Variants in URB2 observed in about 807,000 individuals in gnomAD.
The protein encoded by URB2 is unhealthy ribosome biogenesis protein 2 homolog.
URB2 carries 86 observed loss-of-function variants against 120.9 expected under a neutral mutation model. That is an observed-to-expected ratio of 0.71 (90% confidence interval 0.60 to 0.85). The LOEUF (loss-of-function observed/expected upper bound fraction) is 0.85, where lower values mean the gene tolerates loss of function less well. Ranked by LOEUF, URB2 falls within the 40% of genes least tolerant of loss-of-function variation. The pLI is 0.00. For synonymous variants in URB2, 755 were observed against 758.4 expected (o/e 1.00, Z 0.07); for missense variants, 1,765 against 1,836.5 (o/e 0.96, Z 0.71).
intron 2 of URB2, 66 bp downstream of exon 2, chr1:229,627,825 A>AT: frequency 2.7e-6 from 4 of 1,490,122 alleles, no homozygotes; most frequent in Non-Finnish European, 3.6e-6. Flanking sequence ...TATAATTTGG[A>AT]TATTGACAAT....
At chr1:229,630,296 CA>C (rs1205438624) in intron 2 of URB2, among the ~76,000 whole-genome samples, 3 of 152,180 alleles carry the variant, frequency 2.0e-5, no homozygotes, top group African/African-American at 7.2e-5. Flanking sequence ...ACTTGAAAGT[CA>C]AAAGTACTCC....
intron 2 of URB2, 144 bp downstream of exon 2, chr1:229,627,903 A>G (rs1026534074): frequency 1.5e-5 from 16 of 1,082,758 alleles, no homozygotes; most frequent in East Asian, 5.7e-5. Flanking sequence ...TGTAATGTCA[A>G]TGAAAAAAGT....
chr1:229,638,530 C>T (rs1321379300), intron 4 of URB2, among the ~76,000 whole-genome samples: 2 of 151,954 alleles, frequency 1.3e-5, no homozygotes, highest in African/African-American at 2.4e-5. Flanking sequence ...CCTGTAGTCC[C>T]AGCTACTCGG....
chr1:229,654,371 GT>G lies in URB2; in HGVS notation c.4361del (p.Val1454GlyfsTer7). 1 of 1,614,188 alleles carries G rather than the reference GT, an allele frequency of 6.2e-7. No individual in the cohort carries two copies. Among genetic ancestry groups the G allele is most frequent in the Non-Finnish European group, 8.5e-7 (1 of 1,180,028 alleles). Reference protein sequence around the residue: ...VFSPFMVAQYVLEVQKVTLYP... With the variant: ...VFSPFMVAQYXLEVQKVTLYP... Reference sequence around the variant, plus strand: ...TTCCCCATTTATGGTGGCCCAGTACGTGTTGGAGGTACAGAAGGTAAAATTG... The same window carrying G: ...TTCCCCATTTATGGTGGCCCAGTACGGTTGGAGGTACAGAAGGTAAAATTG... On this transcript the variant is annotated frameshift_variant, in exon 9 of 10. Coordinates refer to ENST00000258243, the MANE Select transcript of URB2 (RefSeq NM_014777.4). LOFTEE classifies it high-confidence loss of function.
chr1:229,627,655 A>G lies in URB2; in HGVS notation c.22A>G (p.Ile8Val), dbSNP rs374458592. The change falls in exon 2 of 10, where the codon ATT becomes GTT. Residue 8 changes from isoleucine (I) to valine (V), a missense_variant. By Grantham distance (29) the Ile-to-Val change is conservative. Coordinates refer to ENST00000258243, the MANE Select transcript of URB2 (RefSeq NM_014777.4). MAAVYSG[I>V]SLKLKSKTTS... is the part of the protein sequence containing the mutation. The stretch of plus-strand genomic sequence containing the variant: ...AGCCATGGCTGCTGTTTATTCTGGC[A>G]TTTCCCTTAAGCTTAAAAGCAAGAC... 1 of 1,612,996 alleles carries G rather than the reference A, an allele frequency of 6.2e-7. No individual in the cohort carries two copies. Among genetic ancestry groups the G allele is most frequent in the South Asian group, 1.1e-5 (1 of 90,724 alleles).
Position 229,659,897 on chromosome 1 carries a change from C to T in URB2, c.*600C>T. The T allele has an allele frequency of 6.6e-6, 1 of 152,138 alleles. No homozygotes were observed. The highest frequency in any genetic ancestry group is 1.5e-5 in the Non-Finnish European group (1 of 68,028). 9.4% of individuals were successfully genotyped at this position (152,138 alleles called of 1,614,324 possible). A position where few individuals can be genotyped will look rare whatever the true frequency, so the allele number is the denominator to read the frequency against. ...TTAGCACAGGTGCCAGGGCTCCTGC[C>T]TGCTCCTCCTGTGTTAGCTCTGTGA... On this transcript the variant is annotated 3_prime_UTR_variant, in exon 10 of 10. Coordinates refer to ENST00000258243, the MANE Select transcript of URB2 (RefSeq NM_014777.4).
Position 229,638,245 on chromosome 1 carries a change from C to G in URB2, c.3632C>G (p.Ala1211Gly). ...SMFHSVRRVL[A>G]DPEIPVQVTQ... ...TTTCATTCTGTGAGAAGAGTTCTTG[C>G]AGGTAAGATATTTTCTCTTGAGCTA... The change falls in exon 4 of 10, where the codon GCA becomes GGA. Residue 1211 changes from alanine to glycine, a missense_variant and splice_region_variant. Ala to Gly is a moderately conservative substitution (Grantham distance 60). Coordinates refer to ENST00000258243, the MANE Select transcript of URB2 (RefSeq NM_014777.4). 1 of 1,591,022 alleles carries G rather than the reference C, an allele frequency of 6.3e-7. No homozygotes were observed. Among genetic ancestry groups the G allele is most frequent in the Non-Finnish European group, 8.6e-7 (1 of 1,169,194 alleles).
chr1:229,645,934 T>G lies in URB2; in HGVS notation c.3871T>G (p.Trp1291Gly). 1 of 1,614,190 alleles carries G rather than the reference T, an allele frequency of 6.2e-7. No homozygotes were observed. The highest frequency in any genetic ancestry group is 8.5e-7 in the Non-Finnish European group (1 of 1,180,028). Residue 1291 changes from tryptophan (W) to glycine (G), a missense_variant, in exon 6 of 10, where the codon TGG becomes GGG. Trp to Gly is a radical substitution (Grantham distance 184, BLOSUM62 -2). Coordinates refer to ENST00000258243, the MANE Select transcript of URB2 (RefSeq NM_014777.4). ...CAGTGGAGAGAAAGCAAGTCTGTTG[T>G]GGCGTGCGTGTCCCCAGATAGTCAC... is the stretch of plus-strand genomic sequence containing the variant. The part of the protein sequence containing the change: ...PLSGEKASLL[W>G]RACPQIVTAL...
At chr1:229,627,908 A>G (rs1665552743) in intron 2 of URB2, 149 bp downstream of exon 2, 1 of 1,047,190 alleles carries the variant, frequency 9.5e-7, no homozygotes, top group Non-Finnish European at 1.3e-6. Flanking sequence ...TGTCAATGAA[A>G]AAAGTAATGA....
intron 2 of URB2, among the ~76,000 whole-genome samples, chr1:229,628,191 A>G (rs61825535): frequency 2.3e-5 from 2 of 85,676 alleles, no homozygotes; most frequent in Non-Finnish European, 2.4e-5. Flanking sequence ...AATATATATA[A>G]TATATATGTA....
chr1:229,657,233 A>G (rs933260357), intron 9 of URB2, among the ~76,000 whole-genome samples: 2 of 152,222 alleles, frequency 1.3e-5, no homozygotes, highest in Admixed American at 6.5e-5. Context: ...TGTTGTAGAA[A>G]TTGACTCTTT....
chr1:229,648,061 C>T (rs1015059244), intron 7 of URB2, among the ~76,000 whole-genome samples: 6 of 152,158 alleles, frequency 3.9e-5, no homozygotes, highest in South Asian at 2.1e-4. Flanking sequence ...TTTTAGAGTG[C>T]TGACATCATG....
intron 2 of URB2, among the ~76,000 whole-genome samples, chr1:229,631,007 A>T (rs1432607324): frequency 6.9e-6 from 1 of 144,374 alleles, no homozygotes; most frequent in Non-Finnish European, 1.5e-5. Context: ...AAAAAAAAAG[A>T]AAGTCCTGAA....
intron 8 of URB2, 152 bp from the exon 9 acceptor site, chr1:229,654,097 C>T: frequency 9.2e-7 from 1 of 1,092,820 alleles, no homozygotes; most frequent in Non-Finnish European, 1.3e-6. Context: ...ATCTGTTCTC[C>T]CTTATTCTGT....
rs368642982 is a variant in URB2 at position 229,642,344 on chromosome 1, T to A, written c.3635-1189T>A. Among the ~76,000 whole-genome samples the A allele has an allele frequency of 3.3e-5, 5 of 152,260 alleles. No individual in the cohort carries two copies. In the East Asian group the frequency reaches 7.7e-4, roughly 23 times the overall value. On this transcript the variant is annotated intron_variant, in intron 4 of 9. Coordinates refer to ENST00000258243, the MANE Select transcript of URB2 (RefSeq NM_014777.4). ...GGTGCTGTTATGCCCACTTCACTGATGAGGGAGTTGAGGTTCAGAGAGATC... is the reference window on the plus strand; with the variant it reads ...GGTGCTGTTATGCCCACTTCACTGAAGAGGGAGTTGAGGTTCAGAGAGATC...
rs760604126 is a variant in URB2 at position 229,637,014 on chromosome 1, T to C, written c.2401T>C (p.Phe801Leu). The C allele has an allele frequency of 6.2e-7, 1 of 1,614,080 alleles. No homozygotes were observed. The highest frequency in any genetic ancestry group is 1.7e-5 in the Admixed American group (1 of 60,030). The change falls in exon 4 of 10, where the codon TTT becomes CTT. Residue 801 changes from phenylalanine (F) to leucine (L), a missense_variant. Transcript: ENST00000258243. ...ISKAFLHSPL[F>L]PEMQSLHSAF... ...CAAAGCCTTCCTTCATAGCCCTCTCTTTCCAGAGATGCAGTCCCTTCATTC... is the reference window on the plus strand; with the variant it reads ...CAAAGCCTTCCTTCATAGCCCTCTCCTTCCAGAGATGCAGTCCCTTCATTC...
chr1:229,631,370 T>C (rs1412465607), intron 2 of URB2, among the ~76,000 whole-genome samples: 1 of 152,272 alleles, frequency 6.6e-6, no homozygotes, highest in Admixed American at 6.5e-5. Flanking sequence ...CATTTGTTGT[T>C]CACTGGAGTA....
At position 229,637,843 on chromosome 1, in the gene URB2, G is replaced by A; in HGVS notation, c.3230G>A (p.Gly1077Asp). 1 of 1,605,396 alleles carries A rather than the reference G, an allele frequency of 6.2e-7. No individual in the cohort carries two copies. ...LGPFLKEQKLGQEAPAALSEL... is the reference protein window; with the variant it reads ...LGPFLKEQKLDQEAPAALSEL... The stretch of plus-strand genomic sequence containing the variant: ...CCTTTCCTCAAAGAGCAGAAGCTGG[G>A]CCAAGAGGCCCCAGCAGCACTGTCT... Residue 1077 changes from glycine (G) to aspartate (D), a missense_variant, in exon 4 of 10, where the codon GGC (glycine) becomes GAC (aspartate). Gly to Asp is a moderately conservative substitution (Grantham distance 94, BLOSUM62 -1). Coordinates refer to ENST00000258243, the MANE Select transcript of URB2 (RefSeq NM_014777.4).
At chr1:229,643,451 T>C in intron 4 of URB2, 82 bp from the exon 5 acceptor site, 1 of 1,528,950 alleles carries the variant, frequency 6.5e-7, no homozygotes, top group Admixed American at 1.7e-5. Context: ...CGGCCACAGC[T>C]GTGCGCAGTT....
Sources: allele counts gnomAD v4.1 joint callset (sites outside exome capture counted in the v4.1 genomes callset), GRCh38; gene constraint gnomAD v4.1.1; transcripts MANE v1.5; gene names NCBI Gene and HGNC (gene_info 2026-07-23, HGNC 2026-07-21).